Variants in DECR1 observed in about 807,000 individuals in gnomAD.
The protein encoded by DECR1 is 2,4-dienoyl-CoA reductase [(3E)-enoyl-CoA-producing], mitochondrial.
A neutral mutation model predicts 38.8 loss-of-function variants in DECR1; 44 were observed. The ratio of observed to expected loss-of-function variants is 1.13; its 90% CI spans 0.89 to 1.46. The LOEUF is 1.46. Ranked by LOEUF, DECR1 falls within the 40% of genes most tolerant of loss-of-function variation. DECR1 has a pLI of 0.00. For missense variants in DECR1, 428 were observed against 405.5 expected (o/e 1.06, Z -0.48); for synonymous variants, 148 against 135.2 (o/e 1.09, Z -0.66).
chr8:90,043,310 C>T (rs560593845), intron 7 of DECR1, among the ~76,000 whole-genome samples: 60 of 152,262 alleles, frequency 3.9e-4, no homozygotes, highest in African/African-American at 8.4e-4. Context: ...TGTCATCTAA[C>T]GCCCACATGT....
intron 1 of DECR1, among the ~76,000 whole-genome samples, chr8:90,013,820 A>G (rs1224944958): frequency 1.3e-5 from 2 of 152,250 alleles, no homozygotes; most frequent in African/African-American, 2.4e-5. Context: ...TATATATCTC[A>G]TTGATATACA....
chr8:90,024,250 G>A lies in DECR1; in HGVS notation c.565+3194G>A, dbSNP rs185988018. Among the ~76,000 whole-genome samples, 348 of 152,308 alleles carry A rather than the reference G, an allele frequency of 2.3e-3. 15 individuals carry two copies. The East Asian group carries it at 0.057, about 25-fold the overall frequency. On this transcript the variant is annotated intron_variant, in intron 5 of 9. Coordinates refer to ENST00000220764, the MANE Select transcript of DECR1 (RefSeq NM_001359.2). ...ATATACCCAGTAATGGGATGGCTGG[G>A]TCAAATGGTAATTCTAGTTCTAGAT...
intron 5 of DECR1, among the ~76,000 whole-genome samples, chr8:90,028,352 A>T (rs1256283971): frequency 6.6e-6 from 1 of 152,090 alleles, no homozygotes; most frequent in Non-Finnish European, 1.5e-5. Flanking sequence ...TTACATTTTG[A>T]TTGTATCTAG....
chr8:90,012,190 T>A (rs1466272828), intron 1 of DECR1, among the ~76,000 whole-genome samples: 1 of 151,878 alleles, frequency 6.6e-6, no homozygotes, highest in Non-Finnish European at 1.5e-5. Flanking sequence ...TCTTGTTCCG[T>A]TGCCCAGGCT....
At chr8:90,013,748 G>C (rs544962604) in intron 1 of DECR1, among the ~76,000 whole-genome samples, 420 of 152,204 alleles carry the variant, frequency 2.8e-3, no homozygotes, top group Middle Eastern at 6.8e-3. Context: ...CTAATCTACT[G>C]TTATTTGAGA....
At chr8:90,026,104 G>C (rs1036936048) in intron 5 of DECR1, among the ~76,000 whole-genome samples, 1 of 152,184 alleles carries the variant, frequency 6.6e-6, no homozygotes, top group African/African-American at 2.4e-5. Flanking sequence ...GCTTTTTGAT[G>C]TGCTGCTGGA....
intron 6 of DECR1, among the ~76,000 whole-genome samples, chr8:90,040,548 A>C (rs1434084497): frequency 6.6e-6 from 1 of 152,186 alleles, no homozygotes; most frequent in African/African-American, 2.4e-5. Context: ...ATAGGTATAC[A>C]TGTGCCATGG....
intron 1 of DECR1, among the ~76,000 whole-genome samples, chr8:90,002,100 G>A (rs138810836): frequency 3.3e-4 from 50 of 152,222 alleles, no homozygotes; most frequent in African/African-American, 1.1e-3. Context: ...CGTGATTTTC[G>A]AAGTTTTCAC....
chr8:90,004,133 A>G (rs1812684940), intron 1 of DECR1, among the ~76,000 whole-genome samples: 1 of 151,682 alleles, frequency 6.6e-6, no homozygotes, highest in African/African-American at 2.4e-5. Context: ...ATCCAACCTG[A>G]TCAACATGGT....
chr8:90,010,759 T>G, intron 1 of DECR1, among the ~76,000 whole-genome samples: 1 of 152,234 alleles, frequency 6.6e-6, no homozygotes, highest in Non-Finnish European at 1.5e-5. Context: ...GTGGAAATAT[T>G]TCATTATCTT....
intron 5 of DECR1, among the ~76,000 whole-genome samples, chr8:90,036,366 C>T (rs1296831983): frequency 6.6e-6 from 1 of 152,134 alleles, no homozygotes; most frequent in African/African-American, 2.4e-5. Context: ...ATAGTCCTTC[C>T]CTGCCTGCTG....
chr8:90,031,596 T>C (rs868577314), intron 5 of DECR1, among the ~76,000 whole-genome samples: 20 of 152,258 alleles, frequency 1.3e-4, no homozygotes, highest in Admixed American at 3.9e-4. Context: ...TGAGTAGCTT[T>C]TAGAGAATTA....
intron 1 of DECR1, among the ~76,000 whole-genome samples, chr8:90,008,829 C>T (rs1202413705): frequency 1.3e-5 from 2 of 152,164 alleles, no homozygotes; most frequent in South Asian, 2.1e-4. Flanking sequence ...AGTGGTGACT[C>T]ATTACGTCCT....
At chr8:90,002,652 T>G (rs1339587973) in intron 1 of DECR1, among the ~76,000 whole-genome samples, 4 of 152,234 alleles carry the variant, frequency 2.6e-5, no homozygotes, top group Admixed American at 2.0e-4. Flanking sequence ...AGCCATGGTG[T>G]TGTTTTTCAA....
intron 8 of DECR1, among the ~76,000 whole-genome samples, chr8:90,047,404 C>T (rs1228278593): frequency 6.6e-6 from 1 of 152,086 alleles, no homozygotes; most frequent in Non-Finnish European, 1.5e-5. Flanking sequence ...ATAAAACAGA[C>T]TTTAAACCAA....
chr8:90,026,805 T>C (rs1418257121), intron 5 of DECR1, among the ~76,000 whole-genome samples: 1 of 152,220 alleles, frequency 6.6e-6, no homozygotes, highest in Non-Finnish European at 1.5e-5. Context: ...GTTCTTTTAA[T>C]TGTGATGTTG....
chr8:90,037,799 T>C (rs1266350400), intron 6 of DECR1, among the ~76,000 whole-genome samples: 1 of 152,148 alleles, frequency 6.6e-6, no homozygotes, highest in African/African-American at 2.4e-5. Flanking sequence ...TTGTCTTTAT[T>C]ATAATGGGGC....
intron 5 of DECR1, 104 bp from the exon 6 acceptor site, chr8:90,036,737 T>A (rs1813625105): frequency 1.4e-6 from 1 of 692,174 alleles, no homozygotes; most frequent in African/African-American, 1.8e-5. Flanking sequence ...CTTTAGTTTT[T>A]CTTATACCCT....
At chr8:90,010,114 A>C (rs529136799) in intron 1 of DECR1, among the ~76,000 whole-genome samples, 2 of 152,346 alleles carry the variant, frequency 1.3e-5, no homozygotes, top group East Asian at 3.9e-4. Context: ...TGTGGCAACA[A>C]GATCTGTGCT....
Sources: gnomAD v4.1 joint callset for allele counts (sites outside exome capture counted in the v4.1 genomes callset) on GRCh38, gnomAD v4.1.1 for gene constraint, MANE v1.5 for transcripts, NCBI Gene and HGNC (gene_info 2026-07-23, HGNC 2026-07-21) for gene names.